CNN3: variants seen among roughly 807,000 people sequenced by gnomAD.
CNN3 encodes the protein calponin-3.
In CNN3, 11 loss-of-function variants were observed where a neutral mutation model predicts 39.0. That is an observed-to-expected ratio of 0.28 (90% CI 0.18 to 0.47). The LOEUF (loss-of-function observed/expected upper bound fraction) is 0.47, where lower values mean the gene tolerates loss of function less well. Ranked by LOEUF, CNN3 falls within the 20% of genes least tolerant of loss-of-function variation. The pLI is 0.99. For synonymous variants in CNN3, 101 were observed against 138.3 expected (o/e 0.73, Z 1.89); for missense variants, 266 against 403.4 (o/e 0.66, Z 2.92).
chr1:94,905,278 A>C (rs576043131), intron 1 of CNN3, among the ~76,000 whole-genome samples: 2 of 152,332 alleles, frequency 1.3e-5, no homozygotes, highest in Non-Finnish European at 2.9e-5. Context: ...CAAAAGCCAC[A>C]ACAGCCTTTT....
At chr1:94,912,072 A>C (rs1217491245) in intron 1 of CNN3, among the ~76,000 whole-genome samples, 1 of 151,934 alleles carries the variant, frequency 6.6e-6, no homozygotes, top group Non-Finnish European at 1.5e-5. Context: ...ATCTCAAAAA[A>C]AAAAATTTTA....
intron 1 of CNN3, among the ~76,000 whole-genome samples, chr1:94,914,445 G>T (rs566830031): frequency 1.3e-5 from 2 of 152,108 alleles, no homozygotes; most frequent in Admixed American, 1.3e-4. Context: ...AACCAGCCTG[G>T]GGAACCCTCA....
chr1:94,921,752 G>A (rs1470126371), intron 1 of CNN3, among the ~76,000 whole-genome samples: 1 of 152,208 alleles, frequency 6.6e-6, no homozygotes, highest in Non-Finnish European at 1.5e-5. Flanking sequence ...TGAGCCTGAC[G>A]ATAATCCTCG....
intron 1 of CNN3, among the ~76,000 whole-genome samples, chr1:94,909,819 T>C (rs1218853892): frequency 6.6e-6 from 1 of 152,076 alleles, no homozygotes; most frequent in Non-Finnish European, 1.5e-5. Context: ...CGCTGTTGAA[T>C]GGTACTTCTC....
Position 94,926,797 on chromosome 1 carries a change from G to A in CNN3, c.57+41C>T. The A allele has an allele frequency of 6.3e-7, 1 of 1,596,136 alleles. No individual in the cohort carries two copies. Among genetic ancestry groups the A allele is most frequent in the Non-Finnish European group, 8.5e-7 (1 of 1,170,574 alleles). On this transcript the variant is annotated intron_variant, in intron 1 of 6. Coordinates refer to ENST00000370206, the MANE Select transcript of CNN3 (RefSeq NM_001839.5). This position sits in a 1 kb window ranked among gnomAD's most constrained non-coding sequence, Gnocchi z 4.2. ...CGGCCCAGCGCCAGGCCAGCCCAAG[G>A]GTGCCCCGGGGGCCCCCGCGCCCGC...
chr1:94,921,186 G>A (rs1322819376), intron 1 of CNN3, among the ~76,000 whole-genome samples: 1 of 152,188 alleles, frequency 6.6e-6, no homozygotes, highest in Admixed American at 6.5e-5. Context: ...CTTGAGGTCA[G>A]GCGTTTGAGA....
rs751730642 is a variant in CNN3, at chr1:94,903,408, G to A, written c.174C>T (p.Leu58=). 41 of 1,591,240 alleles carry A rather than the reference G, an allele frequency of 2.6e-5. 1 individual carries two copies. The South Asian group carries it at 4.6e-4, about 18-fold the overall frequency. The part of the protein sequence containing the change: ...FQLGLKDGII[L]CELINKLQPG... ...TCTGGAGGGCTGTAACTCACTCGCA[G>A]AGGATGATGCCATCCTTTAAGCCCA... is the stretch of plus-strand genomic sequence containing the variant. Residue 58 remains leucine, a synonymous_variant, in exon 2 of 7, where the codon CTC becomes CTT. Coordinates refer to ENST00000370206, the MANE Select transcript of CNN3 (RefSeq NM_001839.5).
chr1:94,910,285 C>G (rs909987474), intron 1 of CNN3, among the ~76,000 whole-genome samples: 6 of 152,168 alleles, frequency 3.9e-5, no homozygotes, highest in African/African-American at 1.4e-4. Flanking sequence ...TAGTTCATAT[C>G]AGGCACAGTT....
Position 94,898,022 on chromosome 1 carries a change from G to A in CNN3, c.710C>T (p.Pro237Leu), listed in dbSNP as rs1258631116. The stretch of plus-strand genomic sequence containing the variant: ...TAGGGAAATTGTCGAGTTGTCCACC[G>A]GCTGTAATGTTAGCTTCTGATCATA... ...DIYDQKLTLQPVDNSTISLQM... is the reference protein window; with the variant it reads ...DIYDQKLTLQLVDNSTISLQM... The change falls in exon 7 of 7, where the codon CCG becomes CTG. Residue 237 changes from proline (P) to leucine (L), a missense_variant. Coordinates refer to ENST00000370206, the MANE Select transcript of CNN3 (RefSeq NM_001839.5). The A allele has an allele frequency of 3.1e-6, 5 of 1,613,838 alleles. No individual in the cohort carries two copies. Among genetic ancestry groups the A allele is most frequent in the Admixed American group, 1.7e-5 (1 of 59,988 alleles).
At chr1:94,898,142 A>G (rs9432611) in intron 6 of CNN3, 59 bp from the exon 7 acceptor site, 192,588 of 1,443,228 alleles carry the variant, frequency 0.13, 14,170 homozygotes, top group African/African-American at 0.28. Context: ...TCTTGTGAAT[A>G]ATTTATAAAT....
chr1:94,924,536 T>A (rs1011109730), intron 1 of CNN3: 4 of 152,258 alleles, frequency 2.6e-5, no homozygotes, highest in African/African-American at 9.7e-5. Flanking sequence ...GGCAGGAGAA[T>A]CACTTGAACC....
Position 94,897,534 on chromosome 1 carries a change from T to C in CNN3, c.*208A>G. The C allele has an allele frequency of 1.8e-6, 1 of 542,866 alleles. No homozygotes were observed. Among genetic ancestry groups the C allele is most frequent in the Non-Finnish European group, 3.3e-6 (1 of 305,788 alleles). 33.6% of individuals were successfully genotyped at this position (542,866 alleles called of 1,614,324 possible). On this transcript the variant is annotated 3_prime_UTR_variant, in exon 7 of 7. Transcript: ENST00000370206. Reference sequence around the variant, plus strand: ...TTCATATGCGAGTTATTGATTATGCTGTAGGATTTAACTATTACAGCACTA... The same window carrying C: ...TTCATATGCGAGTTATTGATTATGCCGTAGGATTTAACTATTACAGCACTA...
At chr1:94,925,071 A>G (rs573885952) in intron 1 of CNN3, among the ~76,000 whole-genome samples, 2 of 152,348 alleles carry the variant, frequency 1.3e-5, no homozygotes, top group East Asian at 3.9e-4. Context: ...CTCAGTATTA[A>G]GCAGGAAAAG....
In CNN3 at chr1:94,897,553, A is replaced by C. The variant is rs1670756040; in HGVS notation, c.*189T>G. The C allele has an allele frequency of 1.7e-6, 1 of 574,700 alleles. No homozygotes were observed. Among genetic ancestry groups the C allele is most frequent in the East Asian group, 2.8e-5 (1 of 35,584 alleles). 35.6% of individuals were successfully genotyped at this position (574,700 alleles called of 1,614,324 possible). On this transcript the variant is annotated 3_prime_UTR_variant, in exon 7 of 7. Coordinates refer to ENST00000370206, the MANE Select transcript of CNN3 (RefSeq NM_001839.5). ...TTATGCTGTAGGATTTAACTATTAC[A>C]GCACTAAAAGGCAACTATTGAGGGA...
Position 94,897,518 on chromosome 1 carries a change from G to T in CNN3, c.*224C>A. 2.1e-6 allele frequency: 1 copy of T among 483,832 alleles called. No homozygotes were observed. Among genetic ancestry groups the T allele is most frequent in the Non-Finnish European group, 3.7e-6 (1 of 272,512 alleles). The allele number at this position is 483,832 out of a possible 1,614,324, so 30.0% of individuals were successfully genotyped here. A position where few individuals can be genotyped will look rare whatever the true frequency, so the allele number is the denominator to read the frequency against. ...CAGTATTCCTTTTTACTTCATATGCGAGTTATTGATTATGCTGTAGGATTT... is the reference window on the plus strand; with the variant it reads ...CAGTATTCCTTTTTACTTCATATGCTAGTTATTGATTATGCTGTAGGATTT... On this transcript the variant is annotated 3_prime_UTR_variant, in exon 7 of 7. Transcript: ENST00000370206.
rs1280411926 is a variant in CNN3, at chr1:94,926,866, T to C, written c.29A>G (p.Tyr10Cys). The C allele has an allele frequency of 4.3e-6, 7 of 1,610,376 alleles. No homozygotes were observed. The Admixed American group carries it at 8.4e-5, about 19-fold the overall frequency. ...GTTCTTGACTTCGGCCGAGAGCCCA[T>C]AGGAAGGGCCCTTGTTGAAGTGGGT... is the stretch of plus-strand genomic sequence containing the variant. Reference protein sequence around the residue: MTHFNKGPSYGLSAEVKNKI... With the variant: MTHFNKGPSCGLSAEVKNKI... Residue 10 changes from tyrosine (Y) to cysteine (C), a missense_variant, in exon 1 of 7, where the codon TAT becomes TGT. By Grantham distance (194) the Tyr-to-Cys change is radical. Transcript: ENST00000370206. This position sits in a 1 kb window ranked among gnomAD's most constrained non-coding sequence, Gnocchi z 4.2.
At chr1:94,903,585 C>T (rs1368529588) in intron 1 of CNN3, 61 bp from the exon 2 acceptor site, 4 of 1,604,600 alleles carry the variant, frequency 2.5e-6, no homozygotes, top group African/African-American at 2.7e-5. Flanking sequence ...ACTGCCGACT[C>T]ACAACGCGCT....
In CNN3 at chr1:94,898,125, A is replaced by G. The variant is rs190320586; in HGVS notation, c.649-42T>C. ...GTATAAAAGTTAAAACAGCAGCTAG[A>G]ATCTATTCTTGTGAATAATTTATAA... On this transcript the variant is annotated intron_variant, in intron 6 of 6. Transcript: ENST00000370206. The G allele has an allele frequency of 2.6e-6, 4 of 1,519,384 alleles. No homozygotes were observed. The Admixed American group carries it at 7.3e-5, about 28-fold the overall frequency. The allele number at this position is 1,519,384 out of a possible 1,614,324, so 94.1% of individuals were successfully genotyped here.
chr1:94,915,398 C>A (rs1368564530), intron 1 of CNN3, among the ~76,000 whole-genome samples: 1 of 152,126 alleles, frequency 6.6e-6, no homozygotes, highest in African/African-American at 2.4e-5. Context: ...AGAAAGTCAG[C>A]CTGAACATGG....
Sources: gnomAD v4.1 joint callset for allele counts (sites outside exome capture counted in the v4.1 genomes callset) on GRCh38, gnomAD v4.1.1 for gene constraint, Gnocchi (gnomAD v3.1) non-coding constraint, MANE v1.5 for transcripts, NCBI Gene and HGNC (gene_info 2026-07-23, HGNC 2026-07-21) for gene names.